NME8: variants seen among roughly 807,000 people sequenced by gnomAD.
The protein encoded by NME8 is protein NME8.
Under a neutral mutation model 82.3 loss-of-function variants are expected in NME8, and 72 were observed. The observed-to-expected ratio is 0.87, with a 90% CI of 0.72 to 1.06. NME8 has a LOEUF of 1.06. Ranked by LOEUF, NME8 falls within the 50% of genes least tolerant of loss-of-function variation. NME8 has a pLI of 0.00. For synonymous variants in NME8, 267 were observed against 228.5 expected (o/e 1.17, Z -1.52); for missense variants, 712 against 685.4 (o/e 1.04, Z -0.43).
intron 11 of NME8, among the ~76,000 whole-genome samples, chr7:37,869,574 A>C (rs762489238): frequency 5.9e-5 from 9 of 152,168 alleles, no homozygotes; most frequent in African/African-American, 9.7e-5. Context: ...AGGCATGTTA[A>C]TTGGCATGTC....
At chr7:37,877,949 T>A (rs1784882786) in intron 12 of NME8, among the ~76,000 whole-genome samples, 1 of 152,222 alleles carries the variant, frequency 6.6e-6, no homozygotes, top group African/African-American at 2.4e-5. Flanking sequence ...CCTCTTCATT[T>A]CCATCTGTAT....
chr7:37,850,104 TA>T, intron 2 of NME8, 155 bp from the exon 3 acceptor site: 1 of 642,600 alleles, frequency 1.6e-6, no homozygotes, highest in African/African-American at 1.8e-5. Context: ...AATACACAAA[TA>T]TTTAAGTACA....
rs756469390 is a variant in NME8 at position 37,867,856 on chromosome 7, A to G, written c.776A>G (p.Glu259Gly). Residue 259 changes from glutamate to glycine, a missense_variant, in exon 11 of 18, where the codon GAA (glutamate) becomes GGA (glycine). Transcript: ENST00000199447. Reference sequence around the variant, plus strand: ...CGATCTGAGGATCAACCTGAGGTCGAAGCCCAGGTTACACCTGGAATGATG... The same window carrying G: ...CGATCTGAGGATCAACCTGAGGTCGGAGCCCAGGTTACACCTGGAATGATG... Reference protein sequence around the residue: ...NERSEDQPEVEAQVTPGMMKN... With the variant: ...NERSEDQPEVGAQVTPGMMKN... 4 of 1,613,872 alleles carry G rather than the reference A, an allele frequency of 2.5e-6. No homozygotes were observed. The South Asian group carries it at 4.4e-5, about 18-fold the overall frequency.
intron 8 of NME8, among the ~76,000 whole-genome samples, 185 bp downstream of exon 8, chr7:37,863,647 C>T (rs1252097120): frequency 2.0e-5 from 3 of 152,190 alleles, no homozygotes; most frequent in African/African-American, 7.2e-5. Context: ...TCCTCACTCG[C>T]CTTACCTTTG....
intron 10 of NME8, among the ~76,000 whole-genome samples, 167 bp from the exon 11 acceptor site, chr7:37,867,534 AC>A (rs897350552): frequency 6.6e-6 from 1 of 152,076 alleles, no homozygotes; most frequent in African/African-American, 2.4e-5. Flanking sequence ...AAAAATAAAA[AC>A]CCCCAAACAA....
chr7:37,882,630 AG>A (rs1784978858), intron 12 of NME8, among the ~76,000 whole-genome samples: 1 of 116,664 alleles, frequency 8.6e-6, no homozygotes, highest in East Asian at 2.5e-4. Flanking sequence ...AAAGAAAGAA[AG>A]AAAGAAAGAA....
chr7:37,849,249 C>T (rs1014695020), intron 2 of NME8, 193 bp downstream of exon 2: 2 of 152,184 alleles, frequency 1.3e-5, no homozygotes, highest in Non-Finnish European at 2.9e-5. Flanking sequence ...GCCTTGTTCT[C>T]AAGATTAAAT....
chr7:37,865,492 A>G, intron 9 of NME8, 33 bp from the exon 10 acceptor site: 1 of 1,444,944 alleles, frequency 6.9e-7, no homozygotes, highest in Non-Finnish European at 9.7e-7. Context: ...TGATCCCACG[A>G]CACCTGGATT....
At chr7:37,883,695 C>G (rs1333679434) in intron 12 of NME8, among the ~76,000 whole-genome samples, 2 of 152,100 alleles carry the variant, frequency 1.3e-5, no homozygotes, top group African/African-American at 4.8e-5. Flanking sequence ...TCAGAAGAGT[C>G]CCCAGTGTAT....
intron 11 of NME8, among the ~76,000 whole-genome samples, chr7:37,873,888 A>C (rs549715798): frequency 2.0e-5 from 3 of 152,232 alleles, no homozygotes; most frequent in Non-Finnish European, 4.4e-5. Flanking sequence ...TTAAAATTGC[A>C]CTTGCACTTT....
At chr7:37,887,021 G>C (rs1229482811) in intron 14 of NME8, among the ~76,000 whole-genome samples, 2 of 152,090 alleles carry the variant, frequency 1.3e-5, no homozygotes, top group African/African-American at 4.8e-5. Context: ...CACCACAGCT[G>C]GAATTTGTTG....
chr7:37,880,512 G>A (rs6965805), intron 12 of NME8, among the ~76,000 whole-genome samples: 21,589 of 152,134 alleles, frequency 0.14, 1,836 homozygotes, highest in African/African-American at 0.23. Flanking sequence ...GACTATGTTT[G>A]TGTGGGTCTT....
intron 12 of NME8, among the ~76,000 whole-genome samples, chr7:37,881,569 G>A (rs1473277198): frequency 6.6e-6 from 1 of 152,102 alleles, no homozygotes; most frequent in Non-Finnish European, 1.5e-5. Flanking sequence ...ATTTTGTTAA[G>A]AATTTCTGCT....
intron 11 of NME8, among the ~76,000 whole-genome samples, chr7:37,874,512 T>TA (rs1784818198): frequency 1.3e-5 from 2 of 152,044 alleles, no homozygotes; most frequent in Admixed American, 1.3e-4. Context: ...AAAAAGACAG[T>TA]AAACATTAAT....
chr7:37,860,814 A>G (rs563440634), intron 6 of NME8, among the ~76,000 whole-genome samples: 3 of 152,328 alleles, frequency 2.0e-5, no homozygotes, highest in African/African-American at 7.2e-5. Context: ...CCCACAAAAC[A>G]CAGTCCCCTT....
rs1332399655 is a variant in NME8, at chr7:37,884,437, A to C, written c.1129A>C (p.Asn377His). The stretch of plus-strand genomic sequence containing the variant: ...AGACTATTTTAATAAACTTATAGAA[A>C]ACATGACCAGGTAGAATCCAGGTTG... ...NEDYFNKLIE[N>H]MTSGPSLALV... is the part of the protein sequence containing the mutation. Residue 377 changes from asparagine (N) to histidine (H), a missense_variant, in exon 13 of 18, where the codon AAC becomes CAC. Physicochemically the swap from Asn to His is moderately conservative, Grantham distance 68 (BLOSUM62 1). Coordinates refer to ENST00000199447, the MANE Select transcript of NME8 (RefSeq NM_016616.5). The C allele has an allele frequency of 6.8e-6, 11 of 1,611,234 alleles. No homozygotes were observed. In the Admixed American group the frequency reaches 1.5e-4, roughly 22 times the overall value.
intron 15 of NME8, 77 bp from the exon 16 acceptor site, chr7:37,894,388 CT>C: frequency 1.4e-6 from 2 of 1,420,500 alleles, no homozygotes; most frequent in Non-Finnish European, 2.0e-6. Flanking sequence ...TATCATTTTC[CT>C]TAGTTATTTC....
intron 6 of NME8, among the ~76,000 whole-genome samples, chr7:37,857,602 T>C (rs1784530618): frequency 6.6e-6 from 1 of 152,194 alleles, no homozygotes; most frequent in African/African-American, 2.4e-5. Context: ...ACTAAGGAAA[T>C]GATCGGAGAT....
chr7:37,873,146 A>G (rs2722307), intron 11 of NME8, among the ~76,000 whole-genome samples: 93,541 of 151,728 alleles, frequency 0.62, 29,607 homozygotes, highest in East Asian at 0.81. Context: ...CAGCATTTGA[A>G]GTCAGGAGCT....
Sources: gnomAD v4.1 joint callset for allele counts (sites outside exome capture counted in the v4.1 genomes callset) on GRCh38, gnomAD v4.1.1 for gene constraint, MANE v1.5 for transcripts, NCBI Gene and HGNC (gene_info 2026-07-23, HGNC 2026-07-21) for gene names.